The following ALDH1L2 variants were observed in gnomAD, a reference collection of about 807,000 sequenced individuals.
The protein encoded by ALDH1L2 is mitochondrial 10-formyltetrahydrofolate dehydrogenase.
In ALDH1L2, 91 loss-of-function variants were observed where a neutral mutation model predicts 111.0. The ratio of observed to expected loss-of-function variants is 0.82; its 90% CI spans 0.69 to 0.98. The LOEUF (loss-of-function observed/expected upper bound fraction) is 0.98. Ranked by LOEUF, ALDH1L2 falls within the 50% of genes least tolerant of loss-of-function variation. ALDH1L2 has a pLI of 0.00. For synonymous variants in ALDH1L2, 374 were observed against 392.6 expected (o/e 0.95, Z 0.56); for missense variants, 995 against 1,126.8 (o/e 0.88, Z 1.67).
Position 105,023,186 on chromosome 12 carries a change from A to G in ALDH1L2, c.*1238T>C, listed in dbSNP as rs1466669525. 1.3e-5 allele frequency: 2 copies of G among 152,218 alleles called. No individual in the cohort carries two copies. Among genetic ancestry groups the G allele is most frequent in the Non-Finnish European group, 2.9e-5 (2 of 68,038 alleles). 9.4% of individuals were successfully genotyped at this position (152,218 alleles called of 1,614,324 possible). ...GAGATAGAGATTTGATTTTCATTTT[A>G]TAGATACTCAACCTAGGCTCTGAGA... On this transcript the variant is annotated 3_prime_UTR_variant, in exon 23 of 23. Coordinates refer to ENST00000258494, the MANE Select transcript of ALDH1L2 (RefSeq NM_001034173.4).
intron 1 of ALDH1L2, among the ~76,000 whole-genome samples, chr12:105,079,156 G>A (rs999723706): frequency 6.6e-5 from 10 of 152,196 alleles, no homozygotes; most frequent in African/African-American, 2.2e-4. Context: ...GGAGCAGAGC[G>A]TGAAAATCAA....
At chr12:105,076,991 T>C (rs1396787845) in intron 1 of ALDH1L2, among the ~76,000 whole-genome samples, 2 of 152,252 alleles carry the variant, frequency 1.3e-5, no homozygotes, top group Non-Finnish European at 1.5e-5. Flanking sequence ...CCTGGATCTG[T>C]CTTACTTTAG....
chr12:105,030,147 T>C (rs1874620804), intron 21 of ALDH1L2, 177 bp downstream of exon 21: 1 of 423,758 alleles, frequency 2.4e-6, no homozygotes, highest in South Asian at 1.2e-4. Flanking sequence ...AAAGCAAAAA[T>C]ATACTATGAT....
intron 3 of ALDH1L2, among the ~76,000 whole-genome samples, chr12:105,069,478 G>A (rs1395662351): frequency 1.3e-5 from 2 of 152,136 alleles, no homozygotes; most frequent in African/African-American, 4.8e-5. Flanking sequence ...CTAAGAAATT[G>A]ACTGGCATTG....
intron 9 of ALDH1L2, 22 bp from the exon 10 acceptor site, chr12:105,058,242 G>A (rs371629630): frequency 1.7e-5 from 27 of 1,581,200 alleles, no homozygotes; most frequent in South Asian, 9.4e-5. Flanking sequence ...AACCAGCTTC[G>A]CGTTACTTAG....
chr12:105,046,579 T>C lies in ALDH1L2; in HGVS notation c.1863+131A>G, dbSNP rs1487490619. The C allele has an allele frequency of 1.5e-5, 11 of 711,428 alleles. 1 individual carries two copies. The Middle Eastern group carries it at 1.2e-3, about 75-fold the overall frequency. The allele number at this position is 711,428 out of a possible 1,614,324, so 44.1% of individuals were successfully genotyped here. On this transcript the variant is annotated intron_variant, in intron 15 of 22. Coordinates refer to ENST00000258494, the MANE Select transcript of ALDH1L2 (RefSeq NM_001034173.4). The stretch of plus-strand genomic sequence containing the variant: ...AATGAATATTTACTGACATGAAAAG[T>C]TGTCCATGATATATGAGAAAAATGC...
chr12:105,034,034 C>T (rs1874842064), intron 19 of ALDH1L2, among the ~76,000 whole-genome samples: 1 of 152,190 alleles, frequency 6.6e-6, no homozygotes, highest in Non-Finnish European at 1.5e-5. Context: ...CACCCAGCTT[C>T]AACAACTACC....
intron 9 of ALDH1L2, among the ~76,000 whole-genome samples, chr12:105,059,182 G>T (rs527447447): frequency 6.6e-6 from 1 of 151,774 alleles, no homozygotes; most frequent in Admixed American, 6.6e-5. Context: ...CAGGAGAATC[G>T]CTTGAACCTG....
intron 7 of ALDH1L2, 89 bp from the exon 8 acceptor site, chr12:105,061,841 G>A (rs750964518): frequency 1.3e-5 from 19 of 1,443,584 alleles, no homozygotes; most frequent in Non-Finnish European, 1.7e-5. Context: ...TAGATTATAT[G>A]CATATAAGGG....
Position 105,052,835 on chromosome 12 carries a change from T to A in ALDH1L2, c.1384A>T (p.Thr462Ser), listed in dbSNP as rs370483122. The A allele has an allele frequency of 2.6e-4, 418 of 1,614,052 alleles. No homozygotes were observed. The highest frequency in any genetic ancestry group is 3.3e-4 in the Admixed American group (20 of 60,002). ...ACAGATCCATCTGTTGGGTTGATAG[T>A]GTCGTAAGTCTTTCCATCGTCTGCA... ...TDADDGKTYD[T>S]INPTDGSTIC... The change falls in exon 11 of 23, where the codon ACT becomes TCT. Residue 462 changes from threonine (T) to serine (S), a missense_variant. Transcript: ENST00000258494.
intron 20 of ALDH1L2, among the ~76,000 whole-genome samples, chr12:105,031,406 G>T (rs1362760080): frequency 2.0e-5 from 3 of 152,122 alleles, no homozygotes; most frequent in Non-Finnish European, 4.4e-5. Context: ...ACACTTCATA[G>T]GTGATACTGT....
intron 10 of ALDH1L2, among the ~76,000 whole-genome samples, chr12:105,054,709 A>G (rs998814531): frequency 4.6e-5 from 7 of 152,122 alleles, no homozygotes; most frequent in Admixed American, 1.3e-4. Flanking sequence ...GGGTCTCACT[A>G]TGTTATCCAG....
At chr12:105,030,524 C>T in intron 20 of ALDH1L2, 95 bp from the exon 21 acceptor site, 9 of 1,019,786 alleles carry the variant, frequency 8.8e-6, no homozygotes, top group Non-Finnish European at 1.1e-5. Flanking sequence ...TTTTTTCTTT[C>T]CCTCTGGCCC....
chr12:105,052,255 T>A, intron 11 of ALDH1L2, 38 bp from the exon 12 acceptor site: 1 of 1,514,680 alleles, frequency 6.6e-7, no homozygotes, highest in Non-Finnish European at 8.8e-7. Context: ...CCATGAGAGA[T>A]ATGAAAATAT....
At chr12:105,035,311 A>G (rs1874925310) in intron 18 of ALDH1L2, among the ~76,000 whole-genome samples, 1 of 152,048 alleles carries the variant, frequency 6.6e-6, no homozygotes, top group South Asian at 2.1e-4. Context: ...ACAATTTTTA[A>G]AATTTTTTAT....
At position 105,023,944 on chromosome 12, in the gene ALDH1L2, C is replaced by G. The variant is rs1874285998; in HGVS notation, c.*480G>C. On this transcript the variant is annotated 3_prime_UTR_variant, in exon 23 of 23. Coordinates refer to ENST00000258494, the MANE Select transcript of ALDH1L2 (RefSeq NM_001034173.4). ...AAAGGCACAAAGATGTATCTTATTTCCAAATACTAAAAAAGAACTACCTTC... is the reference window on the plus strand; with the variant it reads ...AAAGGCACAAAGATGTATCTTATTTGCAAATACTAAAAAAGAACTACCTTC... 1 of 156,126 alleles carries G rather than the reference C, an allele frequency of 6.4e-6. No homozygotes were observed. Among genetic ancestry groups the G allele is most frequent in the Admixed American group, 6.2e-5 (1 of 16,016 alleles). The allele number at this position is 156,126 out of a possible 1,614,324, so 9.7% of individuals were successfully genotyped here. A position where few individuals can be genotyped will look rare whatever the true frequency, so the allele number is the denominator to read the frequency against.
intron 12 of ALDH1L2, among the ~76,000 whole-genome samples, chr12:105,050,929 G>A (rs770623747): frequency 5.3e-5 from 8 of 152,076 alleles, no homozygotes; most frequent in Non-Finnish European, 1.2e-4. Flanking sequence ...GATGAGATTT[G>A]GGTGGGGACA....
chr12:105,032,467 G>C (rs2136049711), intron 19 of ALDH1L2, among the ~76,000 whole-genome samples: 1 of 152,172 alleles, frequency 6.6e-6, no homozygotes, highest in East Asian at 1.9e-4. Context: ...TCGAACTCCT[G>C]ACCTCAGGCA....
intron 15 of ALDH1L2, among the ~76,000 whole-genome samples, chr12:105,040,997 T>C (rs529073947): frequency 1.2e-4 from 18 of 152,230 alleles, no homozygotes; most frequent in Non-Finnish European, 2.5e-4. Flanking sequence ...TCTGAACTGT[T>C]TAAGAATACG....
Sources: gnomAD v4.1 joint callset for allele counts (sites outside exome capture counted in the v4.1 genomes callset) on GRCh38, gnomAD v4.1.1 for gene constraint, MANE v1.5 for transcripts, NCBI Gene and HGNC (gene_info 2026-07-23, HGNC 2026-07-21) for gene names.